FLG: variants seen among roughly 807,000 people sequenced by gnomAD.
The protein encoded by FLG is filaggrin.
Under a neutral mutation model 3.8 loss-of-function variants are expected in FLG, and 6 were observed. That is an observed-to-expected ratio of 1.60 (90% CI 0.87 to 3.15). The LOEUF (loss-of-function observed/expected upper bound fraction) is 3.15, where lower values mean the gene tolerates loss of function less well. Among genes scored for constraint, FLG ranks in the 30% most tolerant of loss-of-function variants. The probability of loss-of-function intolerance (pLI) is 0.00; values close to 1 mark genes in which losing one functional copy is unlikely to be tolerated. For synonymous variants in FLG, 2,551 were observed against 1,931.6 expected, an observed-to-expected ratio of 1.32 and a Z score of -8.41; for missense variants, 7,595 against 5,050.9, an observed-to-expected ratio of 1.50 and a Z score of -15.27.
At position 152,308,257 on chromosome 1, in the gene FLG, T is replaced by A; in HGVS notation, c.6629A>T (p.His2210Leu). ...GTCGGCCCAAGAGGAAGCTTCATGA[T>A]GATGCGACCCTGAGTGCCTAGAGCC... The part of the protein sequence containing the change: ...GDGSRHSGSH[H>L]HEASSWADSS... The change falls in exon 3 of 3, where the codon CAT becomes CTT. Residue 2210 changes from histidine (H) to leucine (L), a missense_variant. His to Leu is a moderately conservative substitution (Grantham distance 99). Transcript: ENST00000368799. 6.2e-7 allele frequency: 1 copy of A among 1,614,056 alleles called. No homozygotes were observed. Among genetic ancestry groups the A allele is most frequent in the Non-Finnish European group, 8.5e-7 (1 of 1,179,966 alleles).
chr1:152,322,571 A>G (rs923108818), intron 1 of FLG, among the ~76,000 whole-genome samples: 6 of 151,294 alleles, frequency 4.0e-5, no homozygotes, highest in African/African-American at 1.4e-4. Flanking sequence ...AAATGGCTGT[A>G]CTCAGAATAT....
chr1:152,304,561 C>T lies in FLG; in HGVS notation c.10325G>A (p.Arg3442Lys). The change falls in exon 3 of 3, where the codon AGA (arginine) becomes AAA (lysine). Residue 3442 changes from arginine (R) to lysine (K), a missense_variant. Arg to Lys is a conservative substitution (Grantham distance 26, BLOSUM62 2). Transcript: ENST00000368799. ...DTIRGHPGSS[R>K]RGRQGSHYEQ... is the part of the protein sequence containing the mutation. ...GTAGTGGGATCCCTGCCTTCCTCTT[C>T]TGCTTGACCCCGGGTGTCCACGAAT... is the stretch of plus-strand genomic sequence containing the variant. 1 of 1,610,140 alleles carries T rather than the reference C, an allele frequency of 6.2e-7. No individual in the cohort carries two copies. Among genetic ancestry groups the T allele is most frequent in the Non-Finnish European group, 8.5e-7 (1 of 1,178,138 alleles).
rs1652571830 is a variant in FLG at position 152,313,016 on chromosome 1, C to G, written c.1870G>C (p.Asp624His). The change falls in exon 3 of 3, where the codon GAC (aspartate) becomes CAC (histidine). Residue 624 changes from aspartate to histidine, a missense_variant. Physicochemically the swap from Asp to His is moderately conservative, Grantham distance 81. Transcript: ENST00000368799. ...TCTGAGTGTCCCTGACTGTCACTGT[C>G]CTGGCTAACACTGGATCCCTGGTTC... ...SRNQGSSVSQ[D>H]SDSQGHSEDS... 1.2e-6 allele frequency: 2 copies of G among 1,613,882 alleles called. No homozygotes were observed. The highest frequency in any genetic ancestry group is 2.2e-5 in the South Asian group (2 of 91,072).
intron 1 of FLG, among the ~76,000 whole-genome samples, chr1:152,322,368 A>G (rs1388076037): frequency 2.0e-5 from 3 of 151,298 alleles, no homozygotes; most frequent in Admixed American, 1.3e-4. Context: ...GTATGTGGAA[A>G]ATCCAAAAGA....
rs1326958730 is a variant in FLG at position 152,325,183 on chromosome 1, T to C, written c.-22+6A>G. The C allele has an allele frequency of 6.6e-6, 1 of 151,882 alleles. No homozygotes were observed. The highest frequency in any genetic ancestry group is 1.5e-5 in the Non-Finnish European group (1 of 67,874). The allele number at this position is 151,882 out of a possible 1,614,324, so 9.4% of individuals were successfully genotyped here. On this transcript the variant is annotated splice_donor_region_variant and intron_variant, in intron 1 of 2. Transcript: ENST00000368799. The stretch of plus-strand genomic sequence containing the variant: ...AGTAGACAAAATTAAATGTATTCCT[T>C]CTTACCTTGTTCACCAAAAGAGCAA...
Position 152,312,252 on chromosome 1 carries a change from T to C in FLG, c.2634A>G (p.Gly878=), listed in dbSNP as rs758917150. ...GSHHSHTTSQ[G]RSDASRGQSG... ...ACTGCCCACGGGAGGCATCAGACCT[T>C]CCCTGGGATGTGGTGTGGCTGTGAT... Residue 878 remains glycine, a synonymous_variant, in exon 3 of 3, where the codon GGA becomes GGG. Coordinates refer to ENST00000368799, the MANE Select transcript of FLG (RefSeq NM_002016.2). The C allele has an allele frequency of 1.9e-6, 3 of 1,613,788 alleles. No individual in the cohort carries two copies. The African/African-American group carries it at 4.0e-5, about 22-fold the overall frequency.
Position 152,303,948 on chromosome 1 carries a change from TTG to T in FLG, c.10936_10937del (p.Gln3646SerfsTer16). ...CACTGTCTCTGACTGCAGATGAAGC[TTG>T]TCCGTGCCCAATGCCTGAGTGTCTG... ...SSRHSGIGHG[Q>X]ASSAVRDSGH... is the part of the protein sequence containing the mutation. On this transcript the variant is annotated frameshift_variant, in exon 3 of 3. Transcript: ENST00000368799. LOFTEE classifies it low-confidence loss of function (END_TRUNC). The T allele has an allele frequency of 6.2e-7, 1 of 1,613,792 alleles. No individual in the cohort carries two copies. The highest frequency in any genetic ancestry group is 1.1e-5 in the South Asian group (1 of 91,048).
chr1:152,309,965 C>T lies in FLG; in HGVS notation c.4921G>A (p.Ala1641Thr), dbSNP rs1652276025. 1 of 1,613,940 alleles carries T rather than the reference C, an allele frequency of 6.2e-7. No individual in the cohort carries two copies. The highest frequency in any genetic ancestry group is 1.3e-5 in the African/African-American group (1 of 74,874). Reference protein sequence around the residue: ...RNPRSHQEDRASHGHSAESSR... With the variant: ...RNPRSHQEDRTSHGHSAESSR... ...CTCTCTGCAGAGTGCCCATGACTGG[C>T]TCTATCTTCTTGATGGGACCTGGGG... Residue 1641 changes from alanine to threonine, a missense_variant, in exon 3 of 3, where the codon GCC becomes ACC. By Grantham distance (58) the Ala-to-Thr change is moderately conservative. Transcript: ENST00000368799.
At chr1:152,314,865 CTT>C (rs34224823) in intron 2 of FLG, 118 bp from the exon 3 acceptor site, 1,650 of 1,067,958 alleles carry the variant, frequency 1.5e-3, no homozygotes, top group East Asian at 4.4e-3. Context: ...GGGACAAAAT[CTT>C]TTTTTTTTTT....
rs1651749296 is a variant in FLG at position 152,303,779 on chromosome 1, T to G, written c.11107A>C (p.Arg3703=). The G allele has an allele frequency of 1.2e-6, 2 of 1,613,654 alleles. No homozygotes were observed. Among genetic ancestry groups the G allele is most frequent in the South Asian group, 2.2e-5 (2 of 90,998 alleles). Residue 3703 remains arginine (R), a synonymous_variant, in exon 3 of 3, where the codon AGG becomes CGG. Coordinates refer to ENST00000368799, the MANE Select transcript of FLG (RefSeq NM_002016.2). ...AGGAAAGACCCTGAACGTCCAGACC[T>G]TCCTGCTGACCGGCCACGTGTGGAC... ...QESTRGRSAG[R]SGRSGSFLYQ... is the part of the protein sequence containing the mutation.
chr1:152,315,116 A>G lies in FLG; in HGVS notation c.138+203T>C, dbSNP rs998657211. Among the ~76,000 whole-genome samples, 7 of 152,040 alleles carry G rather than the reference A, an allele frequency of 4.6e-5. No individual in the cohort carries two copies. In the East Asian group the frequency reaches 1.3e-3, roughly 29 times the overall value. ...TTTACATTAATTTTTAAATATTTAT[A>G]TTTTTTTCTCTGAGGGTGTCTTTAT... is the stretch of plus-strand genomic sequence containing the variant. On this transcript the variant is annotated intron_variant, in intron 2 of 2. Transcript: ENST00000368799.
chr1:152,321,505 T>G (rs549248944), intron 1 of FLG, among the ~76,000 whole-genome samples: 72 of 151,130 alleles, frequency 4.8e-4, no homozygotes, highest in Admixed American at 4.2e-3. Flanking sequence ...TTTTAGACAT[T>G]AGAAAGATGA....
In FLG at chr1:152,306,243, G is replaced by T; in HGVS notation, c.8643C>A (p.Ser2881=). 1 of 1,605,120 alleles carries T rather than the reference G, an allele frequency of 6.2e-7. No individual in the cohort carries two copies. Among genetic ancestry groups the T allele is most frequent in the Non-Finnish European group, 8.5e-7 (1 of 1,180,022 alleles). Residue 2881 remains serine (S), a synonymous_variant, in exon 3 of 3, where the codon TCC becomes TCA. Transcript: ENST00000368799. ...TGGATCCCTGGCGCCTGCTTCTCCT[G>T]GACCCCTCTGATTGTCCCTGGACTG... ...SQAVQGQSEG[S]RRSRRQGSSV... is the part of the protein sequence containing the mutation.
At position 152,314,742 on chromosome 1, in the gene FLG, T is replaced by C. The variant is rs749996335; in HGVS notation, c.144A>G (p.Pro48=). ...AGACATCAACCATATCTGGGTCATC[T>C]GGATTCTGTACAGAGGGAAGTCACA... is the stretch of plus-strand genomic sequence containing the variant. The part of the protein sequence containing the change: ...EKEFRQILKN[P]DDPDMVDVFM... Residue 48 remains proline, a synonymous_variant, in exon 3 of 3, where the codon CCA becomes CCG. Coordinates refer to ENST00000368799, the MANE Select transcript of FLG (RefSeq NM_002016.2). The C allele has an allele frequency of 6.2e-7, 1 of 1,613,948 alleles. No individual in the cohort carries two copies. The highest frequency in any genetic ancestry group is 2.2e-5 in the East Asian group (1 of 44,862).
In FLG at chr1:152,307,661, C is replaced by T; in HGVS notation, c.7225G>A (p.Gly2409Arg). Residue 2409 changes from glycine to arginine, a missense_variant, in exon 3 of 3, where the codon GGA (glycine) becomes AGA (arginine). Gly to Arg is a moderately radical substitution (Grantham distance 125, BLOSUM62 -2). Coordinates refer to ENST00000368799, the MANE Select transcript of FLG (RefSeq NM_002016.2). ...STRGRSAGRSGRSGSFLYQVS... is the reference protein window; with the variant it reads ...STRGRSAGRSRRSGSFLYQVS... ...TGGTAGAGGAAAGACCCTGAACGTC[C>T]AGACCTTCCTGCTGACCGGCCACGT... is the stretch of plus-strand genomic sequence containing the variant. 5.6e-6 allele frequency: 9 copies of T among 1,613,426 alleles called. 1 individual carries two copies. In the South Asian group the frequency reaches 7.7e-5, roughly 14 times the overall value.
Position 152,312,213 on chromosome 1 carries a change from A to C in FLG, c.2673T>G (p.Ser891Arg). 6.2e-7 allele frequency: 1 copy of C among 1,613,552 alleles called. No individual in the cohort carries two copies. The highest frequency in any genetic ancestry group is 8.5e-7 in the Non-Finnish European group (1 of 1,179,916). Residue 891 changes from serine (S) to arginine (R), a missense_variant, in exon 3 of 3, where the codon AGT becomes AGG. Coordinates refer to ENST00000368799, the MANE Select transcript of FLG (RefSeq NM_002016.2). ...DASRGQSGSR[S>R]ASRTTRNEEQ... is the part of the protein sequence containing the mutation. The stretch of plus-strand genomic sequence containing the variant: ...CCTCATTACGTGTTGTTCTGCTTGC[A>C]CTTCTGGATCCTGACTGCCCACGGG...
At position 152,311,328 on chromosome 1, in the gene FLG, A is replaced by G. The variant is rs897235159; in HGVS notation, c.3558T>C (p.Asp1186=). Residue 1186 remains aspartate, a synonymous_variant, in exon 3 of 3, where the codon GAT becomes GAC. Coordinates refer to ENST00000368799, the MANE Select transcript of FLG (RefSeq NM_002016.2). The part of the protein sequence containing the change: ...RQGSHHEQSV[D]RSGHSGSHHS... The stretch of plus-strand genomic sequence containing the variant: ...GATGGGACCCTGAGTGTCCAGATCT[A>G]TCTACCGATTGCTCATGGTGGGATC... 12 of 1,613,512 alleles carry G rather than the reference A, an allele frequency of 7.4e-6. No individual in the cohort carries two copies. Among genetic ancestry groups the G allele is most frequent in the Admixed American group, 6.7e-5 (4 of 59,958 alleles).
Position 152,310,568 on chromosome 1 carries a change from A to C in FLG, c.4318T>G (p.Ser1440Ala). 1 of 1,613,544 alleles carries C rather than the reference A, an allele frequency of 6.2e-7. No individual in the cohort carries two copies. Among genetic ancestry groups the C allele is most frequent in the Non-Finnish European group, 8.5e-7 (1 of 1,179,884 alleles). ...QSGESSGRSR[S>A]FLYQVSSHEQ... ...TGAGAGCTCACCTGGTAGAGGAAAG[A>C]CCTTGAACGTCCAGAGCTTTCCCCT... The change falls in exon 3 of 3, where the codon TCT becomes GCT. Residue 1440 changes from serine to alanine, a missense_variant. Transcript: ENST00000368799.
In FLG at chr1:152,305,207, C is replaced by T; in HGVS notation, c.9679G>A (p.Asp3227Asn). The change falls in exon 3 of 3, where the codon GAC becomes AAC. Residue 3227 changes from aspartate to asparagine, a missense_variant. Coordinates refer to ENST00000368799, the MANE Select transcript of FLG (RefSeq NM_002016.2). The stretch of plus-strand genomic sequence containing the variant: ...GCAGACCCAGACCACCTCTCAGAGT[C>T]TTCTGAATGTCCCTCACTGTCACTG... Reference protein sequence around the residue: ...QDSDSEGHSEDSERWSGSASR... With the variant: ...QDSDSEGHSENSERWSGSASR... 1 of 1,613,520 alleles carries T rather than the reference C, an allele frequency of 6.2e-7. No individual in the cohort carries two copies. Among genetic ancestry groups the T allele is most frequent in the Non-Finnish European group, 8.5e-7 (1 of 1,179,916 alleles).
Sources: gnomAD v4.1 joint callset for allele counts (sites outside exome capture counted in the v4.1 genomes callset) on GRCh38, gnomAD v4.1.1 for gene constraint, MANE v1.5 for transcripts, NCBI Gene and HGNC (gene_info 2026-07-23, HGNC 2026-07-21) for gene names.